THOC5: variants seen among roughly 807,000 people sequenced by gnomAD.
THOC5 encodes Fms-interacting protein.
A neutral mutation model predicts 92.9 loss-of-function variants in THOC5; 43 were observed. That is an observed-to-expected ratio of 0.46 (90% CI 0.36 to 0.60). The LOEUF is 0.60. THOC5 is among the 20% of genes least tolerant of loss of function. The pLI is 0.00. For missense variants in THOC5, 659 were observed against 849.4 expected, an observed-to-expected ratio of 0.78 and a Z score of 2.79; for synonymous variants, 296 against 320.1, an observed-to-expected ratio of 0.92 and a Z score of 0.80.
rs2063970870 is a variant in THOC5 at position 29,544,448 on chromosome 22, C to T, written c.240+12G>A. 1 of 1,611,006 alleles carries T rather than the reference C, an allele frequency of 6.2e-7. No homozygotes were observed. The highest frequency in any genetic ancestry group is 1.7e-5 in the Admixed American group (1 of 59,842). On this transcript the variant is annotated intron_variant, in intron 3 of 19. Coordinates refer to ENST00000490103, the MANE Select transcript of THOC5 (RefSeq NM_003678.5). ...CCCACCAGGTTCACGGCCACCTGGT[C>T]CCACTCCTTACCACATCCTTGCCAC...
At chr22:29,510,339 G>A (rs1252723558) in intron 19 of THOC5, among the ~76,000 whole-genome samples, 2 of 152,222 alleles carry the variant, frequency 1.3e-5, no homozygotes, top group African/African-American at 4.8e-5. Flanking sequence ...GCTCATGCCT[G>A]TAATCCCAGC....
In THOC5 at chr22:29,542,995, C is replaced by A. The variant is rs761822167; in HGVS notation, c.355-39G>T. 12 of 1,471,508 alleles carry A rather than the reference C, an allele frequency of 8.2e-6. No individual in the cohort carries two copies. The South Asian group carries it at 1.3e-4, about 16-fold the overall frequency. The allele number at this position is 1,471,508 out of a possible 1,614,324, so 91.2% of individuals were successfully genotyped here. A position where few individuals can be genotyped will look rare whatever the true frequency, so the allele number is the denominator to read the frequency against. ...ACGATCAGAAGTGAGCAGGGCAAGT[C>A]AGGATGGAGCAGAGGAGAGGGTCAG... On this transcript the variant is annotated intron_variant, in intron 4 of 19. Coordinates refer to ENST00000490103, the MANE Select transcript of THOC5 (RefSeq NM_003678.5).
chr22:29,532,558 G>A (rs762285270), intron 7 of THOC5, among the ~76,000 whole-genome samples: 12 of 152,050 alleles, frequency 7.9e-5, no homozygotes, highest in African/African-American at 1.2e-4. Flanking sequence ...CCAGCTACTC[G>A]GGAGGCTGAG....
At chr22:29,518,096 C>T (rs1404395015) in intron 15 of THOC5, among the ~76,000 whole-genome samples, 1 of 152,148 alleles carries the variant, frequency 6.6e-6, no homozygotes, top group African/African-American at 2.4e-5. Context: ...TACAGTGATG[C>T]GATCTCAGCT....
intron 1 of THOC5, among the ~76,000 whole-genome samples, chr22:29,552,492 G>C (rs1170694848): frequency 6.6e-6 from 1 of 151,754 alleles, no homozygotes; most frequent in African/African-American, 2.4e-5. Flanking sequence ...TGAGAGGTGA[G>C]GAGCCCCTCC....
At chr22:29,543,632 G>A in intron 3 of THOC5, 90 bp from the exon 4 acceptor site, 2 of 823,168 alleles carry the variant, frequency 2.4e-6, no homozygotes, top group East Asian at 2.6e-5. Context: ...CTCATCTGGG[G>A]CCAAAAACGG....
chr22:29,517,642 T>C (rs983879309), intron 15 of THOC5, among the ~76,000 whole-genome samples: 2 of 152,228 alleles, frequency 1.3e-5, no homozygotes, highest in African/African-American at 4.8e-5. Flanking sequence ...AGAAAAACCC[T>C]TACAGTCAGA....
At chr22:29,531,258 T>C in intron 8 of THOC5, 1 of 995,252 alleles carries the variant, frequency 1.0e-6, no homozygotes, top group Non-Finnish European at 1.2e-6. Context: ...TGAGGTGGGG[T>C]GGGGTGGGGG....
chr22:29,536,667 T>C lies in THOC5; in HGVS notation c.671A>G (p.Glu224Gly). Residue 224 changes from glutamate (E) to glycine (G), a missense_variant, in exon 7 of 20, where the codon GAG becomes GGG. Transcript: ENST00000490103. ...GCGGGGCTGGAGGCTGCTCAGGTACTCCTTCTTCACCTCAATCTCCTTGAG... is the reference window on the plus strand; with the variant it reads ...GCGGGGCTGGAGGCTGCTCAGGTACCCCTTCTTCACCTCAATCTCCTTGAG... The part of the protein sequence containing the change: ...KILKEIEVKK[E>G]YLSSLQPRLN... 1.2e-6 allele frequency: 2 copies of C among 1,613,886 alleles called. No homozygotes were observed. The highest frequency in any genetic ancestry group is 1.7e-6 in the Non-Finnish European group (2 of 1,179,734).
chr22:29,510,552 G>A (rs2063204633), intron 19 of THOC5, among the ~76,000 whole-genome samples: 2 of 152,154 alleles, frequency 1.3e-5, no homozygotes, highest in African/African-American at 4.8e-5. Context: ...GCTACAGTGG[G>A]CTATGATCAT....
At chr22:29,543,797 C>T (rs776485492) in intron 3 of THOC5, among the ~76,000 whole-genome samples, 1 of 152,110 alleles carries the variant, frequency 6.6e-6, no homozygotes, top group Non-Finnish European at 1.5e-5. Context: ...AGCAAAGGCA[C>T]AATCTATCTC....
intron 17 of THOC5, chr22:29,513,854 A>T (rs1014239275): frequency 6.6e-5 from 10 of 152,208 alleles, no homozygotes; most frequent in African/African-American, 2.4e-4. Context: ...AATAAATAAA[A>T]AATAAAAATA....
In THOC5 at chr22:29,521,048, A is replaced by G; in HGVS notation, c.1227T>C (p.His409=). The stretch of plus-strand genomic sequence containing the variant: ...TGGCTGGATTCGGAGTTTTCTTTCC[A>G]TGATCCCCAGGATACAAGCAACTCA... The part of the protein sequence containing the change: ...SVLSCLYPGD[H]GKKTPNPANQ... The change falls in exon 13 of 20, where the codon CAT becomes CAC. Residue 409 remains histidine, a synonymous_variant. Transcript: ENST00000490103. 6.2e-7 allele frequency: 1 copy of G among 1,614,178 alleles called. No individual in the cohort carries two copies. The highest frequency in any genetic ancestry group is 8.5e-7 in the Non-Finnish European group (1 of 1,180,028).
At chr22:29,513,844 A>C (rs960409617) in intron 17 of THOC5, 4 of 152,212 alleles carry the variant, frequency 2.6e-5, no homozygotes, top group African/African-American at 9.6e-5. Context: ...TAAAGAATTA[A>C]ATAAATAAAA....
At chr22:29,534,001 G>A (rs555799598) in intron 7 of THOC5, among the ~76,000 whole-genome samples, 2 of 152,270 alleles carry the variant, frequency 1.3e-5, no homozygotes, top group Admixed American at 1.3e-4. Context: ...ATATTCAACA[G>A]ACAGATGTAC....
intron 5 of THOC5, among the ~76,000 whole-genome samples, chr22:29,542,234 G>T (rs1234439107): frequency 1.3e-5 from 2 of 152,170 alleles, no homozygotes; most frequent in Admixed American, 6.6e-5. Context: ...GTGACTGGAA[G>T]TGAGTTGCTC....
At chr22:29,551,958 G>C (rs542281657) in intron 1 of THOC5, among the ~76,000 whole-genome samples, 2 of 152,016 alleles carry the variant, frequency 1.3e-5, no homozygotes, top group Non-Finnish European at 2.9e-5. Flanking sequence ...ACTGGTTTTC[G>C]TATTTTTTGG....
At chr22:29,527,963 A>G in intron 11 of THOC5, 115 bp downstream of exon 11, 1 of 899,322 alleles carries the variant, frequency 1.1e-6, no homozygotes, top group South Asian at 1.6e-5. Context: ...AAGCAATATG[A>G]AATGGGAATC....
At chr22:29,533,899 G>A (rs1008251832) in intron 7 of THOC5, among the ~76,000 whole-genome samples, 6 of 152,078 alleles carry the variant, frequency 3.9e-5, no homozygotes, top group Non-Finnish European at 5.9e-5. Flanking sequence ...TCTGTAAATC[G>A]GTACAACCAG....
Sources: allele counts gnomAD v4.1 joint callset (sites outside exome capture counted in the v4.1 genomes callset), GRCh38; gene constraint gnomAD v4.1.1; transcripts MANE v1.5; gene names NCBI Gene and HGNC (gene_info 2026-07-23, HGNC 2026-07-21).